Variants in GATAD2A observed in about 807,000 individuals in gnomAD.
GATAD2A encodes the protein transcriptional repressor p66-alpha.
Under a neutral mutation model 68.5 loss-of-function variants are expected in GATAD2A, and 12 were observed. The ratio of observed to expected loss-of-function variants is 0.18; its 90% CI spans 0.11 to 0.28. The LOEUF is 0.28. Among genes scored for constraint, GATAD2A ranks in the 10% least tolerant of loss-of-function variants. The probability of loss-of-function intolerance (pLI) is 1.00; values close to 1 mark genes in which losing one functional copy is unlikely to be tolerated. For missense variants in GATAD2A, 755 were observed against 868.5 expected, an observed-to-expected ratio of 0.87 and a Z score of 1.64; for synonymous variants, 410 against 375.3, an observed-to-expected ratio of 1.09 and a Z score of -1.07.
chr19:19,464,319 G>T (rs1449928486), intron 1 of GATAD2A, among the ~76,000 whole-genome samples: 1 of 152,244 alleles, frequency 6.6e-6, no homozygotes, highest in African/African-American at 2.4e-5. Context: ...TTGTCCTCTG[G>T]TAAACACTGG....
intron 11 of GATAD2A, 96 bp downstream of exon 11, chr19:19,502,622 C>T: frequency 1.1e-6 from 1 of 944,970 alleles, no homozygotes. Context: ...CGGGTGAACC[C>T]CCAGGCCCGC....
At chr19:19,473,886 C>T (rs1448844012) in intron 2 of GATAD2A, 1 of 212,472 alleles carries the variant, frequency 4.7e-6, no homozygotes, top group Non-Finnish European at 8.1e-6. Flanking sequence ...GTCAGGCTTG[C>T]AGTGAGCCCA....
rs1458736880 is a variant in GATAD2A, at chr19:19,506,471, G to A, written c.*997G>A. The A allele has an allele frequency of 4.6e-6, 1 of 218,672 alleles. No homozygotes were observed. The highest frequency in any genetic ancestry group is 8.9e-6 in the Non-Finnish European group (1 of 112,578). 13.5% of individuals were successfully genotyped at this position (218,672 alleles called of 1,614,324 possible). On this transcript the variant is annotated 3_prime_UTR_variant, in exon 12 of 12. Transcript: ENST00000683918. Reference sequence around the variant, plus strand: ...CACCCTGGCCTTGCTCCTGGGAGGTGAGCGTGCACAGGTGTGTGCAGGTCA... The same window carrying A: ...CACCCTGGCCTTGCTCCTGGGAGGTAAGCGTGCACAGGTGTGTGCAGGTCA...
chr19:19,462,963 A>AT (rs1741663897), intron 1 of GATAD2A, among the ~76,000 whole-genome samples: 1 of 152,072 alleles, frequency 6.6e-6, no homozygotes, highest in African/African-American at 2.4e-5. Flanking sequence ...AGTGGGGAGC[A>AT]TGGGGGTTTC....
At chr19:19,414,490 A>G (rs1248038332) in intron 1 of GATAD2A, among the ~76,000 whole-genome samples, 1 of 109,634 alleles carries the variant, frequency 9.1e-6, no homozygotes, top group Non-Finnish European at 1.9e-5. Context: ...TACTTTATTT[A>G]TGTAGGTCCA....
At chr19:19,473,033 A>C (rs2058426653) in intron 2 of GATAD2A, among the ~76,000 whole-genome samples, 1 of 152,166 alleles carries the variant, frequency 6.6e-6, no homozygotes, top group Admixed American at 6.5e-5. Flanking sequence ...CCATTTCCTT[A>C]CTTCACCTGG....
At chr19:19,386,967 C>A (rs1309825173) in intron 1 of GATAD2A, among the ~76,000 whole-genome samples, 1 of 152,138 alleles carries the variant, frequency 6.6e-6, no homozygotes. Context: ...TATCTGAGGA[C>A]CCCCGCCTCT....
At chr19:19,411,162 A>T (rs1404779042) in intron 1 of GATAD2A, among the ~76,000 whole-genome samples, 1 of 152,238 alleles carries the variant, frequency 6.6e-6, no homozygotes, top group Admixed American at 6.5e-5. Flanking sequence ...TGAAGAAGGC[A>T]AAGTTCCCCA....
chr19:19,491,672 A>G (rs1025905639), intron 2 of GATAD2A, among the ~76,000 whole-genome samples: 15 of 152,268 alleles, frequency 9.9e-5, no homozygotes, highest in African/African-American at 2.9e-4. Context: ...GTGGGGCCCA[A>G]GAAGGGCCAT....
intron 1 of GATAD2A, among the ~76,000 whole-genome samples, chr19:19,451,591 A>G (rs1288387853): frequency 6.6e-6 from 1 of 152,192 alleles, no homozygotes. Context: ...CTATCCAGCT[A>G]GGTGAGAAAT....
intron 1 of GATAD2A, among the ~76,000 whole-genome samples, chr19:19,410,173 T>C (rs1283065905): frequency 1.3e-5 from 2 of 152,194 alleles, no homozygotes; most frequent in African/African-American, 2.4e-5. Context: ...CTTGCCTTTC[T>C]GTCTGATTCC....
At chr19:19,469,687 C>T (rs2058132094) in intron 2 of GATAD2A, among the ~76,000 whole-genome samples, 1 of 152,164 alleles carries the variant, frequency 6.6e-6, no homozygotes, top group African/African-American at 2.4e-5. Flanking sequence ...TGGCTCACGC[C>T]TGTAATGCCA....
intron 1 of GATAD2A, among the ~76,000 whole-genome samples, chr19:19,455,129 A>C (rs1441730238): frequency 6.6e-6 from 1 of 152,046 alleles, no homozygotes; most frequent in Non-Finnish European, 1.5e-5. Flanking sequence ...CTGAGGCAGG[A>C]GGATCTCTTG....
chr19:19,474,188 C>T (rs2058512131), intron 2 of GATAD2A: 2 of 983,360 alleles, frequency 2.0e-6, no homozygotes, highest in African/African-American at 3.5e-5. Context: ...CCTGTTTGGA[C>T]AGATGCTTTT....
chr19:19,444,352 G>T (rs1247751399), intron 1 of GATAD2A, among the ~76,000 whole-genome samples: 1 of 152,152 alleles, frequency 6.6e-6, no homozygotes, highest in Admixed American at 6.5e-5. Context: ...AGCGAACAGT[G>T]TGTGAGGGAC....
chr19:19,410,363 G>A (rs558753724), intron 1 of GATAD2A, among the ~76,000 whole-genome samples: 3 of 152,200 alleles, frequency 2.0e-5, no homozygotes, highest in African/African-American at 7.2e-5. Flanking sequence ...GGTGGGTGGA[G>A]TGGTCAAGGC....
intron 1 of GATAD2A, among the ~76,000 whole-genome samples, chr19:19,392,691 A>G (rs2048935068): frequency 7.8e-6 from 1 of 127,974 alleles, no homozygotes; most frequent in Non-Finnish European, 1.7e-5. Context: ...CGTCCGGTCA[A>G]GTTTTTTTTT....
intron 1 of GATAD2A, among the ~76,000 whole-genome samples, chr19:19,388,085 T>G (rs191590312): frequency 3.2e-3 from 488 of 150,928 alleles, no homozygotes; most frequent in Non-Finnish European, 4.9e-3. Context: ...AGATGGAGTT[T>G]CGCTCTTGTT....
chr19:19,402,143 C>G (rs2049810026), upstream of GATAD2A: 1 of 152,146 alleles, frequency 6.6e-6, no homozygotes, highest in Non-Finnish European at 1.5e-5. Flanking sequence ...ACTGCAGCCT[C>G]AAACTCCTGG....
Sources: allele counts gnomAD v4.1 joint callset (sites outside exome capture counted in the v4.1 genomes callset), GRCh38; gene constraint gnomAD v4.1.1; transcripts MANE v1.5; gene names NCBI Gene and HGNC (gene_info 2026-07-23, HGNC 2026-07-21).